ANO6: variants seen among roughly 807,000 people sequenced by gnomAD.
The protein encoded by ANO6 is anoctamin-6.
Under a neutral mutation model 117.5 loss-of-function variants are expected in ANO6, and 106 were observed. That is an observed-to-expected ratio of 0.90 (90% confidence interval 0.77 to 1.06). The LOEUF (loss-of-function observed/expected upper bound fraction) is 1.06. ANO6 is among the 50% of genes least tolerant of loss of function. The pLI, the probability that ANO6 is intolerant of heterozygous loss-of-function variation, is 0.00. For missense variants in ANO6, 955 were observed against 1,121.1 expected (o/e 0.85, Z 2.12); for synonymous variants, 367 against 385.1 (o/e 0.95, Z 0.55).
chr12:45,370,380 A>G (rs1442645576), intron 9 of ANO6, among the ~76,000 whole-genome samples: 1 of 152,212 alleles, frequency 6.6e-6, no homozygotes. Context: ...TGATCTTGAC[A>G]TTGGCAGTAC....
intron 19 of ANO6, among the ~76,000 whole-genome samples, chr12:45,438,771 A>G (rs536503851): frequency 7.2e-5 from 11 of 152,366 alleles, no homozygotes; most frequent in African/African-American, 2.6e-4. Context: ...GATCAGAACT[A>G]TAAATCCTGG....
At chr12:45,236,836 C>T (rs539139078) in intron 1 of ANO6, among the ~76,000 whole-genome samples, 1 of 152,268 alleles carries the variant, frequency 6.6e-6, no homozygotes, top group South Asian at 2.1e-4. Context: ...CTAATTTTCA[C>T]TCCCACCAAC....
intron 1 of ANO6, among the ~76,000 whole-genome samples, chr12:45,271,800 A>G (rs543159239): frequency 6.6e-6 from 1 of 152,360 alleles, no homozygotes; most frequent in South Asian, 2.1e-4. Context: ...TGAAAAATAC[A>G]TAGTTAAAAT....
chr12:45,390,935 A>G (rs1417771504), intron 12 of ANO6, among the ~76,000 whole-genome samples: 2 of 152,140 alleles, frequency 1.3e-5, no homozygotes, highest in Non-Finnish European at 2.9e-5. Context: ...AGCCTGGCCA[A>G]CATGATGAAA....
Position 45,432,120 on chromosome 12 carries a change from C to T in ANO6, c.*2809C>T. On this transcript the variant is annotated 3_prime_UTR_variant, in exon 20 of 20. Coordinates refer to ENST00000320560, the MANE Select transcript of ANO6 (RefSeq NM_001025356.3). ...ACTCTTGTTGAAACACTTCTTGTAC[C>T]ATTTTATGTTCATATTATGTTTGAG... The T allele has an allele frequency of 1.0e-6, 1 of 985,274 alleles. No homozygotes were observed. The highest frequency in any genetic ancestry group is 1.2e-6 in the Non-Finnish European group (1 of 829,912). The allele number at this position is 985,274 out of a possible 1,614,324, so 61.0% of individuals were successfully genotyped here. A position where few individuals can be genotyped will look rare whatever the true frequency, so the allele number is the denominator to read the frequency against.
intron 7 of ANO6, among the ~76,000 whole-genome samples, chr12:45,352,450 G>A (rs974399638): frequency 7.3e-5 from 11 of 151,712 alleles, no homozygotes; most frequent in African/African-American, 2.7e-4. Context: ...AGGAAGGCTG[G>A]GTGAGATGAC....
At chr12:45,270,335 G>T in intron 1 of ANO6, 1 of 1,267,318 alleles carries the variant, frequency 7.9e-7, no homozygotes, top group Admixed American at 3.9e-5. Flanking sequence ...ATGGTCAAAT[G>T]GCTTGTACGA....
At chr12:45,311,057 G>A (rs1467322190) in intron 2 of ANO6, among the ~76,000 whole-genome samples, 1 of 151,938 alleles carries the variant, frequency 6.6e-6, no homozygotes, top group Non-Finnish European at 1.5e-5. Context: ...ATAGGAGAGG[G>A]CCACAGACAT....
intron 8 of ANO6, among the ~76,000 whole-genome samples, chr12:45,359,778 G>A (rs2137482452): frequency 6.6e-6 from 1 of 152,290 alleles, no homozygotes; most frequent in East Asian, 1.9e-4. Flanking sequence ...GCAGACACAT[G>A]GTTTCACATC....
intron 1 of ANO6, 69 bp downstream of exon 1, chr12:45,216,460 G>T: frequency 6.5e-7 from 1 of 1,549,864 alleles, no homozygotes; most frequent in Admixed American, 1.8e-5. Context: ...CGGGGACTGC[G>T]CGGGGGCGCT....
intron 15 of ANO6, among the ~76,000 whole-genome samples, chr12:45,403,911 A>G (rs1050369269): frequency 6.6e-6 from 1 of 151,990 alleles, no homozygotes; most frequent in African/African-American, 2.4e-5. Flanking sequence ...TCTCTTTCCT[A>G]TATATTATGC....
chr12:45,319,082 G>C lies in ANO6; in HGVS notation c.151-12213G>C, dbSNP rs137992013. Among the ~76,000 whole-genome samples the C allele has an allele frequency of 9.9e-3, 1,509 of 152,126 alleles. 26 individuals are homozygous for C. Among genetic ancestry groups the C allele is most frequent in the African/African-American group, 0.034 (1,412 of 41,528 alleles). On this transcript the variant is annotated intron_variant, in intron 2 of 19. Transcript: ENST00000320560. The stretch of plus-strand genomic sequence containing the variant: ...GCAAACAGGGACAATTTGACTTCCT[G>C]TTTTCCTAATTGAATGTCCTTTATT...
At chr12:45,278,521 T>A (rs1323364835) in intron 1 of ANO6, among the ~76,000 whole-genome samples, 1 of 152,210 alleles carries the variant, frequency 6.6e-6, no homozygotes, top group African/African-American at 2.4e-5. Context: ...CTTTCAAGCC[T>A]TCTGTATCAT....
chr12:45,404,075 A>G (rs1228912481), intron 15 of ANO6, among the ~76,000 whole-genome samples: 1 of 152,198 alleles, frequency 6.6e-6, no homozygotes. Context: ...GTTTCACATT[A>G]GCATTAAGAG....
At position 45,431,615 on chromosome 12, in the gene ANO6, G is replaced by C. The variant is rs1387773115; in HGVS notation, c.*2304G>C. 5.1e-6 allele frequency: 5 copies of C among 985,348 alleles called. No homozygotes were observed. Among genetic ancestry groups the C allele is most frequent in the Non-Finnish European group, 6.0e-6 (5 of 829,958 alleles). The allele number at this position is 985,348 out of a possible 1,614,324, so 61.0% of individuals were successfully genotyped here. On this transcript the variant is annotated 3_prime_UTR_variant, in exon 20 of 20. Transcript: ENST00000320560. ...AGATGCCCAAAAGAGCAAAGTTGTA[G>C]TGGAGATGCAGGGTCATTTCCCCAT...
intron 8 of ANO6, among the ~76,000 whole-genome samples, chr12:45,362,587 ATG>A (rs1281060656): frequency 6.6e-6 from 1 of 151,740 alleles, no homozygotes; most frequent in Non-Finnish European, 1.5e-5. Flanking sequence ...TTTGTTTTCC[ATG>A]TGTCTTTTTG....
intron 1 of ANO6, among the ~76,000 whole-genome samples, chr12:45,238,698 A>G (rs1028193362): frequency 6.6e-6 from 1 of 152,092 alleles, no homozygotes; most frequent in Admixed American, 6.5e-5. Flanking sequence ...AGCTCTTATT[A>G]TTTTGAGATA....
chr12:45,291,560 G>T (rs1381943650), intron 1 of ANO6, among the ~76,000 whole-genome samples: 2 of 152,096 alleles, frequency 1.3e-5, no homozygotes, highest in African/African-American at 2.4e-5. Flanking sequence ...TCATGTATCT[G>T]ATAAGTCTTT....
chr12:45,364,911 G>C (rs1042321120), intron 8 of ANO6, among the ~76,000 whole-genome samples: 2 of 152,160 alleles, frequency 1.3e-5, no homozygotes, highest in Non-Finnish European at 2.9e-5. Flanking sequence ...CTGGAAATCA[G>C]GTATTTTCCC....
Sources: gnomAD v4.1 joint callset for allele counts (sites outside exome capture counted in the v4.1 genomes callset) on GRCh38, gnomAD v4.1.1 for gene constraint, MANE v1.5 for transcripts, NCBI Gene and HGNC (gene_info 2026-07-23, HGNC 2026-07-21) for gene names.